PMM2: variants seen among roughly 807,000 people sequenced by gnomAD.
The protein encoded by PMM2 is phosphomannomutase 2.
A neutral mutation model predicts 33.2 loss-of-function variants in PMM2; 35 were observed. The observed-to-expected ratio is 1.06, with a 90% confidence interval of 0.81 to 1.40. The LOEUF is 1.40. Ranked by LOEUF, PMM2 falls within the 40% of genes most tolerant of loss-of-function variation. PMM2 has a pLI of 0.00. For missense variants in PMM2, 386 were observed against 306.0 expected (o/e 1.26, Z -1.95); for synonymous variants, 153 against 114.7 (o/e 1.33, Z -2.13).
At chr16:8,815,341 C>G (rs11648026) in intron 7 of PMM2, among the ~76,000 whole-genome samples, 60,823 of 151,184 alleles carry the variant, frequency 0.4, 12,532 homozygotes, top group Non-Finnish European at 0.47. Context: ...GATTCTCGTG[C>G]CTCAGCCTCC....
intron 7 of PMM2, among the ~76,000 whole-genome samples, chr16:8,816,788 C>G (rs2060710999): frequency 6.6e-6 from 1 of 152,054 alleles, no homozygotes; most frequent in South Asian, 2.1e-4. Context: ...AATTAGAACC[C>G]TTGTACACTG....
At chr16:8,835,184 G>A (rs575264683) in intron 7 of PMM2, among the ~76,000 whole-genome samples, 4 of 150,942 alleles carry the variant, frequency 2.7e-5, no homozygotes, top group Non-Finnish European at 4.4e-5. Flanking sequence ...TACAGGGTGT[G>A]GTCCTGGCTG....
intron 7 of PMM2, among the ~76,000 whole-genome samples, chr16:8,844,237 G>A (rs553728162): frequency 6.6e-6 from 1 of 151,872 alleles, no homozygotes; most frequent in African/African-American, 2.4e-5. Context: ...AAGTTCTTGA[G>A]AACACAGGCT....
intron 7 of PMM2, among the ~76,000 whole-genome samples, chr16:8,819,586 T>C (rs1465300076): frequency 2.0e-5 from 3 of 151,722 alleles, no homozygotes; most frequent in African/African-American, 7.3e-5. Context: ...TCCTGGCTAC[T>C]AGGGAGGCTG....
At chr16:8,833,606 G>A (rs2060824949) in intron 7 of PMM2, among the ~76,000 whole-genome samples, 1 of 151,548 alleles carries the variant, frequency 6.6e-6, no homozygotes, top group Admixed American at 6.6e-5. Context: ...GGGCGGCGTG[G>A]GAACCTAGAG....
intron 7 of PMM2, among the ~76,000 whole-genome samples, chr16:8,840,833 C>A (rs949358987): frequency 6.6e-6 from 1 of 151,958 alleles, no homozygotes; most frequent in South Asian, 2.1e-4. Context: ...TTAACAAGAA[C>A]TGATCGTCCA....
At chr16:8,830,738 C>G (rs757255134) in intron 7 of PMM2, among the ~76,000 whole-genome samples, 11 of 152,200 alleles carry the variant, frequency 7.2e-5, no homozygotes, top group Non-Finnish European at 1.5e-5. Flanking sequence ...GGCTCCAAAA[C>G]CATAATTTCT....
intron 7 of PMM2, among the ~76,000 whole-genome samples, chr16:8,827,905 ATTATATATATTATG>A (rs2060785796): frequency 9.0e-6 from 1 of 110,554 alleles, no homozygotes; most frequent in Non-Finnish European, 1.7e-5. Context: ...TATGATATAT[ATTATATATATTATG>A]TTTTATATAT....
chr16:8,798,059 C>A, intron 1 of PMM2, 111 bp downstream of exon 1: 2 of 1,020,964 alleles, frequency 2.0e-6, no homozygotes, highest in Non-Finnish European at 3.0e-6. Flanking sequence ...GGACCGCCTA[C>A]GTCCTCACGG....
At chr16:8,802,704 C>T (rs766306804) in intron 2 of PMM2, among the ~76,000 whole-genome samples, 12 of 152,040 alleles carry the variant, frequency 7.9e-5, no homozygotes, top group Non-Finnish European at 1.8e-4. Flanking sequence ...ATGACGGGCA[C>T]CTGTAATCCC....
At position 8,834,320 on chromosome 16, in the gene PMM2, G is replaced by A. The variant is rs576371115; in HGVS notation, c.640-13404G>A. ...GTTCCACTGAATACTAAGAGCCTGAGAAACTGCTTGGGTGATTTGACTAGT... is the reference window on the plus strand; with the variant it reads ...GTTCCACTGAATACTAAGAGCCTGAAAAACTGCTTGGGTGATTTGACTAGT... On this transcript the variant is annotated intron_variant, in intron 7 of 7. Transcript: ENST00000268261. Among the ~76,000 whole-genome samples the A allele has an allele frequency of 7.4e-3, 1,130 of 152,206 alleles. 1 individual carries two copies. Among genetic ancestry groups the A allele is most frequent in the African/African-American group, 0.025 (1,045 of 41,472 alleles).
chr16:8,826,281 A>G (rs899534914), intron 7 of PMM2, among the ~76,000 whole-genome samples: 1 of 152,206 alleles, frequency 6.6e-6, no homozygotes, highest in African/African-American at 2.4e-5. Context: ...TCTAAATTAG[A>G]GAAGATTTTC....
At chr16:8,828,025 C>CTTTTTTTTT (rs71153002) in intron 7 of PMM2, among the ~76,000 whole-genome samples, 1 of 66,622 alleles carries the variant, frequency 1.5e-5, no homozygotes, top group Non-Finnish European at 2.6e-5. Context: ...CTGTAGAACT[C>CTTTTTTTTT]TTTTTTTTTT....
chr16:8,807,300 C>T (rs1596487016), intron 4 of PMM2, among the ~76,000 whole-genome samples: 1 of 152,078 alleles, frequency 6.6e-6, no homozygotes, highest in Non-Finnish European at 1.5e-5. Flanking sequence ...AGCCACCTTG[C>T]CCAGCCTGAT....
At chr16:8,818,523 C>A (rs985834802) in intron 7 of PMM2, among the ~76,000 whole-genome samples, 8 of 152,140 alleles carry the variant, frequency 5.3e-5, no homozygotes, top group Non-Finnish European at 8.8e-5. Context: ...TTTTTCCTTT[C>A]CTAATGAAGT....
chr16:8,808,009 A>C lies in PMM2; in HGVS notation c.347+1602A>C, dbSNP rs541679928. The C allele has an allele frequency of 3.9e-5, 6 of 152,282 alleles. No homozygotes were observed. The South Asian group carries it at 1.0e-3, about 26-fold the overall frequency. 9.4% of individuals were successfully genotyped at this position (152,282 alleles called of 1,614,324 possible). ...TGAAATCCTTCTCATTTTTACCCCC[A>C]GTTTTCAACACTTACTATGTAACAC... On this transcript the variant is annotated intron_variant, in intron 4 of 7. Coordinates refer to ENST00000268261, the MANE Select transcript of PMM2 (RefSeq NM_000303.3).
chr16:8,840,760 G>C (rs539361400), intron 7 of PMM2, among the ~76,000 whole-genome samples: 1 of 152,060 alleles, frequency 6.6e-6, no homozygotes, highest in Admixed American at 6.5e-5. Context: ...GACAGCAGTC[G>C]GGGTACTATA....
chr16:8,813,243 A>T (rs1453957612), intron 7 of PMM2, 137 bp downstream of exon 7: 3 of 726,256 alleles, frequency 4.1e-6, no homozygotes, highest in Non-Finnish European at 7.6e-6. Context: ...TCTGTCCTGG[A>T]GAGGTGGGTG....
intron 7 of PMM2, among the ~76,000 whole-genome samples, chr16:8,816,666 G>A (rs867540368): frequency 5.8e-4 from 88 of 152,144 alleles, no homozygotes; most frequent in African/African-American, 1.6e-3. Flanking sequence ...GCTTGAACCC[G>A]GGAGGTGGAG....
Sources: gnomAD v4.1 joint callset for allele counts (sites outside exome capture counted in the v4.1 genomes callset) on GRCh38, gnomAD v4.1.1 for gene constraint, MANE v1.5 for transcripts, NCBI Gene and HGNC (gene_info 2026-07-23, HGNC 2026-07-21) for gene names.